Variants in HIVEP1 observed in about 807,000 individuals in gnomAD.
The protein encoded by HIVEP1 is HIVEP zinc finger 1.
A neutral mutation model predicts 180.0 loss-of-function variants in HIVEP1; 36 were observed. That is an observed-to-expected ratio of 0.20 (90% confidence interval 0.15 to 0.26). The LOEUF (loss-of-function observed/expected upper bound fraction) is 0.26, where lower values mean the gene tolerates loss of function less well. Among genes scored for constraint, HIVEP1 ranks in the 10% least tolerant of loss-of-function variants. The pLI is 1.00. For missense variants in HIVEP1, 3,143 were observed against 3,268.7 expected (o/e 0.96, Z 0.94); for synonymous variants, 1,239 against 1,239.0 (o/e 1.00, Z 0.00).
rs12216356 is a variant in HIVEP1, at chr6:12,108,246, G to A, written c.95-11644G>A. Among the ~76,000 whole-genome samples, 5 of 151,326 alleles carry A rather than the reference G, an allele frequency of 3.3e-5. No individual in the cohort carries two copies. In the East Asian group the frequency reaches 9.8e-4, roughly 30 times the overall value. ...AACCTTGAGCTAGATACAGAGTGCCGATTGGTGTATTTACAATCCCTGAGC... is the reference window on the plus strand; with the variant it reads ...AACCTTGAGCTAGATACAGAGTGCCAATTGGTGTATTTACAATCCCTGAGC... On this transcript the variant is annotated intron_variant, in intron 3 of 8. Coordinates refer to ENST00000379388, the MANE Select transcript of HIVEP1 (RefSeq NM_002114.4).
intron 2 of HIVEP1, among the ~76,000 whole-genome samples, chr6:12,044,429 T>C (rs1403764256): frequency 3.9e-5 from 6 of 152,192 alleles, no homozygotes; most frequent in Admixed American, 6.5e-5. Context: ...AGCTTTCCTT[T>C]CCCCACCCCT....
chr6:12,137,118 C>T (rs531626539), intron 7 of HIVEP1, among the ~76,000 whole-genome samples: 2 of 152,214 alleles, frequency 1.3e-5, no homozygotes, highest in South Asian at 2.1e-4. Flanking sequence ...AAATGACTCA[C>T]GTCTTCAGTG....
chr6:12,125,418 C>T lies in HIVEP1; in HGVS notation c.5623C>T (p.Pro1875Ser), dbSNP rs1033682903. The change falls in exon 4 of 9, where the codon CCT (proline) becomes TCT (serine). Residue 1875 changes from proline (P) to serine (S), a missense_variant. Physicochemically the swap from Pro to Ser is moderately conservative, Grantham distance 74 (BLOSUM62 -1). Coordinates refer to ENST00000379388, the MANE Select transcript of HIVEP1 (RefSeq NM_002114.4). ...TSLTLTVRSSPAPSENTHISP... is the reference protein window; with the variant it reads ...TSLTLTVRSSSAPSENTHISP... ...ATTAACTCTTACAGTTCGAAGTTCA[C>T]CTGCTCCTTCAGAAAATACTCATAT... is the stretch of plus-strand genomic sequence containing the variant. 10 of 1,613,972 alleles carry T rather than the reference C, an allele frequency of 6.2e-6. No individual in the cohort carries two copies. The highest frequency in any genetic ancestry group is 7.6e-6 in the Non-Finnish European group (9 of 1,179,914).
intron 2 of HIVEP1, among the ~76,000 whole-genome samples, chr6:12,082,529 A>C (rs996476818): frequency 3.9e-5 from 6 of 152,094 alleles, no homozygotes; most frequent in African/African-American, 1.4e-4. Context: ...AGAAAGCCCT[A>C]TTTTTGCTTC....
Position 12,122,543 on chromosome 6 carries a change from A to T in HIVEP1, c.2748A>T (p.Gly916=), listed in dbSNP as rs191602725. Residue 916 remains glycine (G), a synonymous_variant, in exon 4 of 9, where the codon GGA becomes GGT. Coordinates refer to ENST00000379388, the MANE Select transcript of HIVEP1 (RefSeq NM_002114.4). The stretch of plus-strand genomic sequence containing the variant: ...ATGAAAGTCATGTTCTTGGTACTGG[A>T]CAGTCCCTGGATGAGAGCCACCAAG... ...SANESHVLGT[G]QSLDESHQGC... is the part of the protein sequence containing the mutation. 1 of 1,614,236 alleles carries T rather than the reference A, an allele frequency of 6.2e-7. No homozygotes were observed. The highest frequency in any genetic ancestry group is 2.2e-5 in the East Asian group (1 of 44,892).
At chr6:12,046,845 CTGTG>C (rs372934680) in intron 2 of HIVEP1, among the ~76,000 whole-genome samples, 14 of 140,998 alleles carry the variant, frequency 9.9e-5, no homozygotes, top group African/African-American at 1.9e-4. Flanking sequence ...TGCCACTACA[CTGTG>C]TGTGTGTGTG....
chr6:12,159,032 A>G (rs970574243), intron 7 of HIVEP1, among the ~76,000 whole-genome samples: 4 of 152,104 alleles, frequency 2.6e-5, no homozygotes, highest in Admixed American at 2.6e-4. Flanking sequence ...TCTTGACTCT[A>G]ACCAGATACT....
In HIVEP1 at chr6:12,120,245, C is replaced by T. The variant is rs200490220; in HGVS notation, c.450C>T (p.Gly150=). ...AACTGCGTAGATGGAGATCCGAAGGCGCTGATCCTGCCAAATTCAGTGACC... is the reference window on the plus strand; with the variant it reads ...AACTGCGTAGATGGAGATCCGAAGGTGCTGATCCTGCCAAATTCAGTGACC... The part of the protein sequence containing the change: ...PSELRRWRSE[G]ADPAKFSDLD... The change falls in exon 4 of 9, where the codon GGC becomes GGT. Residue 150 remains glycine, a synonymous_variant. Transcript: ENST00000379388. 105 of 1,614,058 alleles carry T rather than the reference C, an allele frequency of 6.5e-5. No individual in the cohort carries two copies. The highest frequency in any genetic ancestry group is 6.5e-4 in the South Asian group (59 of 91,086).
chr6:12,190,602 G>C, the HIVEP1 span, among the ~76,000 whole-genome samples: 12 of 152,094 alleles, frequency 7.9e-5, 1 homozygote, highest in Admixed American at 7.2e-4. Flanking sequence ...CATTCAGAGA[G>C]ACCCTCCTTA....
chr6:12,109,006 C>G (rs1199728252), intron 3 of HIVEP1, among the ~76,000 whole-genome samples: 7 of 152,090 alleles, frequency 4.6e-5, no homozygotes, highest in African/African-American at 1.7e-4. Flanking sequence ...TTGAGACAGA[C>G]TCTCGCTCTG....
intron 2 of HIVEP1, among the ~76,000 whole-genome samples, chr6:12,042,156 T>G (rs1488708425): frequency 6.7e-6 from 1 of 148,614 alleles, no homozygotes. Context: ...CTCGGCTCAC[T>G]GCAAGCTCCG....
At chr6:12,114,608 G>C (rs1258817475) in intron 3 of HIVEP1, among the ~76,000 whole-genome samples, 3 of 151,480 alleles carry the variant, frequency 2.0e-5, no homozygotes, top group Non-Finnish European at 4.4e-5. Context: ...CCTCTCTCTA[G>C]AGGGAAAAAA....
chr6:12,037,640 C>A (rs1288983767), intron 2 of HIVEP1: 2 of 394,296 alleles, frequency 5.1e-6, no homozygotes, highest in Non-Finnish European at 8.9e-6. Flanking sequence ...TGAGTGTTTT[C>A]CTGTTTTCTT....
At chr6:12,187,900 T>C in the HIVEP1 span, among the ~76,000 whole-genome samples, 1 of 152,168 alleles carries the variant, frequency 6.6e-6, no homozygotes, top group African/African-American at 2.4e-5. Flanking sequence ...ATCTTTTTCC[T>C]TTATAAATAA....
chr6:12,050,511 G>A (rs943871349), intron 2 of HIVEP1, among the ~76,000 whole-genome samples: 5 of 151,912 alleles, frequency 3.3e-5, no homozygotes, highest in Non-Finnish European at 7.4e-5. Flanking sequence ...GCGTGAACCC[G>A]GGAGGCGGAG....
At chr6:12,207,188 GC>G in the HIVEP1 span, among the ~76,000 whole-genome samples, 1 of 152,248 alleles carries the variant, frequency 6.6e-6, no homozygotes, top group South Asian at 2.1e-4. Flanking sequence ...CGTTTTGATT[GC>G]CCGTTGCATA....
intron 2 of HIVEP1, among the ~76,000 whole-genome samples, chr6:12,081,758 A>G (rs557622857): frequency 3.6e-4 from 55 of 152,218 alleles, no homozygotes; most frequent in African/African-American, 1.3e-3. Context: ...GTGTTTCTCT[A>G]TCCCCTGCTC....
the HIVEP1 span, among the ~76,000 whole-genome samples, chr6:12,184,021 A>C: frequency 7.1e-6 from 1 of 140,084 alleles, no homozygotes; most frequent in Non-Finnish European, 1.5e-5. Flanking sequence ...AGATAGATAG[A>C]TAGACAGACA....
At chr6:12,030,812 A>T (rs1243464985) in intron 2 of HIVEP1, among the ~76,000 whole-genome samples, 1 of 152,220 alleles carries the variant, frequency 6.6e-6, no homozygotes, top group East Asian at 1.9e-4. Flanking sequence ...TTTTCCCCTG[A>T]GTATGGGTCA....
Sources: gnomAD v4.1 joint callset for allele counts (sites outside exome capture counted in the v4.1 genomes callset) on GRCh38, gnomAD v4.1.1 for gene constraint, MANE v1.5 for transcripts, NCBI Gene and HGNC (gene_info 2026-07-23, HGNC 2026-07-21) for gene names.